ZFAND1: variants seen among roughly 807,000 people sequenced by gnomAD.
ZFAND1 encodes AN1-type zinc finger protein 1.
Under a neutral mutation model 38.5 loss-of-function variants are expected in ZFAND1, and 40 were observed. The ratio of observed to expected loss-of-function variants is 1.04; its 90% CI spans 0.81 to 1.35. The LOEUF (loss-of-function observed/expected upper bound fraction) is 1.35, where lower values mean the gene tolerates loss of function less well. ZFAND1 is among the 40% of genes most tolerant of loss of function. The pLI, the probability that ZFAND1 is intolerant of heterozygous loss-of-function variation, is 0.00. For missense variants in ZFAND1, 346 were observed against 316.3 expected, an observed-to-expected ratio of 1.09 and a Z score of -0.71; for synonymous variants, 117 against 103.6, an observed-to-expected ratio of 1.13 and a Z score of -0.78.
intron 6 of ZFAND1, among the ~76,000 whole-genome samples, chr8:81,712,835 A>G (rs955651879): frequency 6.6e-6 from 1 of 152,182 alleles, no homozygotes; most frequent in African/African-American, 2.4e-5. Flanking sequence ...TCATAATTTC[A>G]CCGAACAGGG....
intron 1 of ZFAND1, 66 bp downstream of exon 1, chr8:81,721,161 C>T (rs1459031721): frequency 2.0e-6 from 3 of 1,536,176 alleles, no homozygotes; most frequent in Admixed American, 3.9e-5. Context: ...CGCCACCATC[C>T]GCGGAGCCAA....
At chr8:81,714,703 A>G (rs1407395609) in intron 5 of ZFAND1, 101 bp downstream of exon 5, 1 of 953,376 alleles carries the variant, frequency 1.0e-6, no homozygotes, top group Non-Finnish European at 1.7e-6. Flanking sequence ...TACGAATACC[A>G]CTGGGGTTAT....
intron 1 of ZFAND1, among the ~76,000 whole-genome samples, chr8:81,719,976 A>T (rs1256079356): frequency 6.6e-6 from 1 of 152,188 alleles, no homozygotes; most frequent in Non-Finnish European, 1.5e-5. Context: ...AGATAGATAG[A>T]TGGCTATAAG....
chr8:81,721,267 G>A lies in ZFAND1; in HGVS notation c.15C>T (p.Asp5=). ...GCTCCACCTGGCAGTGCTGCCCGATGTCCAACTCCGCCATCTCTCCGGCGC... is the reference window on the plus strand; with the variant it reads ...GCTCCACCTGGCAGTGCTGCCCGATATCCAACTCCGCCATCTCTCCGGCGC... MAEL[D]IGQHCQVEHC... is the part of the protein sequence containing the mutation. Residue 5 remains aspartate (D), a synonymous_variant, in exon 1 of 8, where the codon GAC becomes GAT. Transcript: ENST00000220669. 2 of 1,549,164 alleles carry A rather than the reference G, an allele frequency of 1.3e-6. No homozygotes were observed. The highest frequency in any genetic ancestry group is 1.4e-5 in the African/African-American group (1 of 73,216).
In ZFAND1 at chr8:81,703,012, G is replaced by A. The variant is rs1807858870; in HGVS notation, c.593C>T (p.Ser198Phe). The change falls in exon 7 of 8, where the codon TCT becomes TTT. Residue 198 changes from serine (S) to phenylalanine (F), a missense_variant. Coordinates refer to ENST00000220669, the MANE Select transcript of ZFAND1 (RefSeq NM_024699.3). ...SIGKAIDFAA[S>F]LARLKNDNNK... Reference sequence around the variant, plus strand: ...ATTGTCATTTTTAAGCCTGGCTAGAGAAGCGGCAAAGTCTATGGCCTTTCC... The same window carrying A: ...ATTGTCATTTTTAAGCCTGGCTAGAAAAGCGGCAAAGTCTATGGCCTTTCC... The A allele has an allele frequency of 6.4e-7, 1 of 1,557,780 alleles. No individual in the cohort carries two copies. Among genetic ancestry groups the A allele is most frequent in the South Asian group, 1.2e-5 (1 of 81,076 alleles).
intron 1 of ZFAND1, among the ~76,000 whole-genome samples, chr8:81,718,559 G>A (rs1447521951): frequency 3.3e-5 from 5 of 151,646 alleles, no homozygotes; most frequent in Non-Finnish European, 7.4e-5. Context: ...CGCATTTGGA[G>A]TGAAAAACCT....
Position 81,720,975 on chromosome 8 carries a change from G to A in ZFAND1, c.55+252C>T, listed in dbSNP as rs367889136. ...GCCCCAGAAGAAACGCTCCCACCCCGCTCCTCAGGCCCTGCCTCAGGAATT... is the reference window on the plus strand; with the variant it reads ...GCCCCAGAAGAAACGCTCCCACCCCACTCCTCAGGCCCTGCCTCAGGAATT... On this transcript the variant is annotated intron_variant, in intron 1 of 7. Coordinates refer to ENST00000220669, the MANE Select transcript of ZFAND1 (RefSeq NM_024699.3). 3.9e-4 allele frequency: 202 copies of A among 517,190 alleles called. 2 individuals are homozygous for A. In the South Asian group the frequency reaches 4.6e-3, roughly 12 times the overall value. The allele number at this position is 517,190 out of a possible 1,614,324, so 32.0% of individuals were successfully genotyped here.
Position 81,702,538 on chromosome 8 carries a change from C to T in ZFAND1, c.*157G>A. On this transcript the variant is annotated 3_prime_UTR_variant, in exon 8 of 8. Coordinates refer to ENST00000220669, the MANE Select transcript of ZFAND1 (RefSeq NM_024699.3). ...CACAATTAAACTTAAAACCAAAAAACTCTAATAGAAAACTCATAATTTAAA... is the reference window on the plus strand; with the variant it reads ...CACAATTAAACTTAAAACCAAAAAATTCTAATAGAAAACTCATAATTTAAA... 1 of 585,976 alleles carries T rather than the reference C, an allele frequency of 1.7e-6. No individual in the cohort carries two copies. Among genetic ancestry groups the T allele is most frequent in the Non-Finnish European group, 2.6e-6 (1 of 383,940 alleles). The allele number at this position is 585,976 out of a possible 1,614,324, so 36.3% of individuals were successfully genotyped here.
chr8:81,711,278 G>A (rs968602999), intron 6 of ZFAND1, among the ~76,000 whole-genome samples: 10 of 152,024 alleles, frequency 6.6e-5, no homozygotes, highest in Non-Finnish European at 1.0e-4. Context: ...TGGGCGTGGT[G>A]GTGCATGCCT....
chr8:81,706,332 T>A (rs557530900), intron 6 of ZFAND1, among the ~76,000 whole-genome samples: 1 of 117,208 alleles, frequency 8.5e-6, no homozygotes, highest in Non-Finnish European at 1.8e-5. Flanking sequence ...AAGAATGTAC[T>A]TTAGTAAAAA....
intron 6 of ZFAND1, among the ~76,000 whole-genome samples, chr8:81,704,946 C>G (rs1290576469): frequency 7.1e-6 from 1 of 140,920 alleles, no homozygotes; most frequent in African/African-American, 2.6e-5. Flanking sequence ...TAAGATATAG[C>G]CTTATCTTTT....
intron 3 of ZFAND1, among the ~76,000 whole-genome samples, 176 bp from the exon 4 acceptor site, chr8:81,715,290 T>C (rs1808272849): frequency 6.6e-6 from 1 of 152,240 alleles, no homozygotes; most frequent in African/African-American, 2.4e-5. Flanking sequence ...TACTGACTGT[T>C]CCACACTTTC....
At chr8:81,712,891 A>G (rs991573595) in intron 6 of ZFAND1, among the ~76,000 whole-genome samples, 26 of 152,216 alleles carry the variant, frequency 1.7e-4, no homozygotes, top group African/African-American at 6.0e-4. Flanking sequence ...GGCCAAAAAT[A>G]GACATTGTTG....
At chr8:81,714,530 G>T (rs540445582) in intron 5 of ZFAND1, 89 of 382,720 alleles carry the variant, frequency 2.3e-4, no homozygotes, top group Middle Eastern at 8.0e-4. Flanking sequence ...TCAATCTCAT[G>T]AATACCATTT....
chr8:81,720,445 T>C (rs1808438901), intron 1 of ZFAND1, among the ~76,000 whole-genome samples: 1 of 152,212 alleles, frequency 6.6e-6, no homozygotes, highest in South Asian at 2.1e-4. Context: ...ATCAATAATC[T>C]GTAAATGTTT....
At chr8:81,717,314 T>C (rs763281966) in intron 2 of ZFAND1, 26 bp from the exon 3 acceptor site, 10 of 1,499,672 alleles carry the variant, frequency 6.7e-6, no homozygotes, top group Non-Finnish European at 8.0e-6. Context: ...CAAGTGTTTA[T>C]TTAAATAACA....
chr8:81,707,005 C>T (rs1398847605), intron 6 of ZFAND1, among the ~76,000 whole-genome samples: 1 of 152,080 alleles, frequency 6.6e-6, no homozygotes, highest in Non-Finnish European at 1.5e-5. Flanking sequence ...AAGGTCCTTA[C>T]AGAAAGACAA....
At chr8:81,715,320 A>G (rs1808273821) in intron 3 of ZFAND1, among the ~76,000 whole-genome samples, 1 of 152,160 alleles carries the variant, frequency 6.6e-6, no homozygotes, top group Non-Finnish European at 1.5e-5. Flanking sequence ...CTACTGTGGT[A>G]TATTTGTCTT....
intron 1 of ZFAND1, chr8:81,720,649 G>GT (rs1808444054): frequency 6.5e-6 from 1 of 152,758 alleles, no homozygotes; most frequent in Admixed American, 6.5e-5. Context: ...TGACAGCTAC[G>GT]TAACAGATAA....
Sources: allele counts gnomAD v4.1 joint callset (sites outside exome capture counted in the v4.1 genomes callset), GRCh38; gene constraint gnomAD v4.1.1; transcripts MANE v1.5; gene names NCBI Gene and HGNC (gene_info 2026-07-23, HGNC 2026-07-21).